Variants in OR2L13 observed in about 807,000 individuals in gnomAD.
OR2L13 encodes olfactory receptor family 2 subfamily L member 13, also known as olfactory receptor 2L13.
OR2L13 carries 14 observed loss-of-function variants against 15.3 expected under a neutral mutation model. That is an observed-to-expected ratio of 0.91 (90% CI 0.60 to 1.43). The LOEUF (loss-of-function observed/expected upper bound fraction) is 1.43. OR2L13 is among the 40% of genes most tolerant of loss of function. The pLI, the probability that OR2L13 is intolerant of heterozygous loss-of-function variation, is 0.00. For synonymous variants in OR2L13, 152 were observed against 142.9 expected (o/e 1.06, Z -0.45); for missense variants, 367 against 387.9 (o/e 0.95, Z 0.45).
chr1:247,983,685 C>T, the OR2L13 span, among the ~76,000 whole-genome samples: 1 of 152,062 alleles, frequency 6.6e-6, no homozygotes, highest in Admixed American at 6.5e-5. Flanking sequence ...GAATTAGAAC[C>T]GTGGAACGTG....
At chr1:248,021,563 T>C in the OR2L13 span, among the ~76,000 whole-genome samples, 7 of 152,214 alleles carry the variant, frequency 4.6e-5, no homozygotes, top group Non-Finnish European at 8.8e-5. Context: ...CATTGTTCCC[T>C]TCACTTTATT....
chr1:248,023,117 A>G, the OR2L13 span: 2 of 379,362 alleles, frequency 5.3e-6, no homozygotes, highest in East Asian at 8.7e-5. Context: ...ACTAAATTGT[A>G]AGGCCATAGA....
the OR2L13 span, chr1:248,046,739 G>A: frequency 6.6e-6 from 1 of 152,184 alleles, no homozygotes; most frequent in East Asian, 1.9e-4. Context: ...TCCCCATGGA[G>A]GTCTCTGAAA....
At chr1:248,046,577 ATCTGAACC>A in the OR2L13 span, among the ~76,000 whole-genome samples, 2 of 152,214 alleles carry the variant, frequency 1.3e-5, no homozygotes, top group African/African-American at 4.8e-5. Flanking sequence ...CAGAACTCAT[ATCTGAACC>A]TTGGACTAAG....
upstream of OR2L13, among the ~76,000 whole-genome samples, chr1:248,092,233 T>C (rs183689514): frequency 1.0e-3 from 157 of 152,292 alleles, no homozygotes; most frequent in African/African-American, 3.7e-3. Context: ...GAGAGATATG[T>C]TGACTTCCTT....
At chr1:247,941,969 T>C in the OR2L13 span, among the ~76,000 whole-genome samples, 1 of 151,204 alleles carries the variant, frequency 6.6e-6, no homozygotes, top group Admixed American at 6.6e-5. Context: ...TTACTATGAC[T>C]GTAGCCTCCC....
chr1:247,962,674 T>C, the OR2L13 span, among the ~76,000 whole-genome samples: 2 of 152,214 alleles, frequency 1.3e-5, no homozygotes, highest in East Asian at 3.8e-4. Context: ...CTTTTTGGCC[T>C]CCTAATAAAC....
the OR2L13 span, among the ~76,000 whole-genome samples, chr1:248,079,252 C>G: frequency 2.0e-5 from 1 of 48,820 alleles, no homozygotes; most frequent in African/African-American, 2.9e-5. Context: ...GAAGGGTATA[C>G]AGAAATTTTC....
At chr1:248,062,935 C>A in the OR2L13 span, 2 of 152,174 alleles carry the variant, frequency 1.3e-5, no homozygotes, top group African/African-American at 4.8e-5. Flanking sequence ...TCTGGGTTCT[C>A]TGTTCTGTTT....
chr1:248,005,079 A>G, the OR2L13 span, among the ~76,000 whole-genome samples: 1 of 152,210 alleles, frequency 6.6e-6, no homozygotes, highest in African/African-American at 2.4e-5. Flanking sequence ...ATAATTAGAT[A>G]TAATGAATAA....
the OR2L13 span, among the ~76,000 whole-genome samples, chr1:248,071,876 A>C: frequency 6.6e-6 from 1 of 151,378 alleles, no homozygotes; most frequent in Non-Finnish European, 1.5e-5. Flanking sequence ...TCCCATTCAC[A>C]ATTGCTTCAA....
chr1:247,993,343 T>G, the OR2L13 span, among the ~76,000 whole-genome samples: 1 of 81,110 alleles, frequency 1.2e-5, no homozygotes, highest in Admixed American at 9.6e-5. Context: ...TTCCTCGTTG[T>G]TTTTTTTTTT....
chr1:248,022,787 C>A, the OR2L13 span: 1 of 1,614,038 alleles, frequency 6.2e-7, no homozygotes, highest in Non-Finnish European at 8.5e-7. Context: ...ACACCATCCT[C>A]ACCCCAATGC....
the OR2L13 span, among the ~76,000 whole-genome samples, chr1:248,071,507 C>A: frequency 2.6e-5 from 4 of 152,068 alleles, no homozygotes; most frequent in African/African-American, 9.7e-5. Flanking sequence ...ATGACAAACC[C>A]ACAGCCAATA....
At chr1:247,974,323 G>A in the OR2L13 span, among the ~76,000 whole-genome samples, 12 of 151,986 alleles carry the variant, frequency 7.9e-5, no homozygotes, top group African/African-American at 2.9e-4. Flanking sequence ...TGCATGCGGG[G>A]CTTAAAACCT....
the OR2L13 span, among the ~76,000 whole-genome samples, chr1:248,069,668 A>G: frequency 6.6e-6 from 1 of 152,222 alleles, no homozygotes; most frequent in African/African-American, 2.4e-5. Flanking sequence ...TAATTAAAAG[A>G]CACAGACTGG....
chr1:247,968,701 T>C, the OR2L13 span, among the ~76,000 whole-genome samples: 3 of 152,134 alleles, frequency 2.0e-5, no homozygotes, highest in South Asian at 6.2e-4. Context: ...TGCATAGTAT[T>C]CCATGGTGTA....
the OR2L13 span, among the ~76,000 whole-genome samples, chr1:248,086,246 A>G: frequency 6.6e-6 from 1 of 152,176 alleles, no homozygotes; most frequent in Non-Finnish European, 1.5e-5. Flanking sequence ...AAAGTCTAAG[A>G]TTTGAAAATT....
At chr1:248,093,478 T>G (rs1347938595), upstream of OR2L13, among the ~76,000 whole-genome samples, 1 of 152,140 alleles carries the variant, frequency 6.6e-6, no homozygotes, top group Non-Finnish European at 1.5e-5. Flanking sequence ...AGCACCACAT[T>G]GCAGCAGGGA....
Sources: allele counts gnomAD v4.1 joint callset (sites outside exome capture counted in the v4.1 genomes callset), GRCh38; gene constraint gnomAD v4.1.1; transcripts MANE v1.5; gene names NCBI Gene and HGNC (gene_info 2026-07-23, HGNC 2026-07-21).